Variants in DNAH9 observed in about 807,000 individuals in gnomAD.
DNAH9 encodes the protein DNAH9 variant protein.
In DNAH9, 345 loss-of-function variants were observed where a neutral mutation model predicts 471.6. The observed-to-expected ratio is 0.73, with a 90% CI of 0.67 to 0.80. The LOEUF (loss-of-function observed/expected upper bound fraction) is 0.80, where lower values mean the gene tolerates loss of function less well. Ranked by LOEUF, DNAH9 falls within the 30% of genes least tolerant of loss-of-function variation. The pLI, the probability that DNAH9 is intolerant of heterozygous loss-of-function variation, is 0.00. For synonymous variants in DNAH9, 2,093 were observed against 2,123.6 expected (o/e 0.99, Z 0.40); for missense variants, 5,407 against 5,609.2 (o/e 0.96, Z 1.15).
At chr17:11,631,923 C>T (rs1029830155) in intron 7 of DNAH9, among the ~76,000 whole-genome samples, 10 of 151,258 alleles carry the variant, frequency 6.6e-5, no homozygotes, top group African/African-American at 1.5e-4. Flanking sequence ...AAAATTGCTA[C>T]GTGCTAAGAG....
At chr17:11,667,226 C>T (rs1314812532) in intron 15 of DNAH9, among the ~76,000 whole-genome samples, 2 of 152,060 alleles carry the variant, frequency 1.3e-5, no homozygotes, top group Non-Finnish European at 2.9e-5. Context: ...TATATTAATG[C>T]AGAATATGTC....
intron 26 of DNAH9, among the ~76,000 whole-genome samples, chr17:11,715,848 C>T (rs1030640296): frequency 3.9e-5 from 6 of 152,078 alleles, no homozygotes; most frequent in Non-Finnish European, 7.3e-5. Context: ...TTTTGTCACT[C>T]CAGAGTCAGT....
chr17:11,757,815 TC>T, intron 35 of DNAH9, 123 bp downstream of exon 35: 2 of 1,052,924 alleles, frequency 1.9e-6, no homozygotes, highest in Non-Finnish European at 2.7e-6. Context: ...AGCGATCTCC[TC>T]CAGGCATGGC....
At chr17:11,782,638 T>C (rs1968712899) in intron 39 of DNAH9, among the ~76,000 whole-genome samples, 2 of 152,230 alleles carry the variant, frequency 1.3e-5, no homozygotes, top group Non-Finnish European at 2.9e-5. Context: ...GGCTTATGCC[T>C]GTAATCCCAG....
intron 61 of DNAH9, 88 bp from the exon 62 acceptor site, chr17:11,923,726 T>C (rs1179474739): frequency 8.5e-6 from 13 of 1,525,014 alleles, no homozygotes; most frequent in African/African-American, 1.4e-5. Context: ...GTTTGAGGGG[T>C]GATCTGAGCG....
chr17:11,927,648 G>A (rs569717543), intron 62 of DNAH9, among the ~76,000 whole-genome samples: 16 of 152,276 alleles, frequency 1.1e-4, no homozygotes, highest in Non-Finnish European at 2.1e-4. Flanking sequence ...TGCTGCCTGA[G>A]GACCCTGACC....
chr17:11,657,882 T>A (rs2073682894), intron 14 of DNAH9, among the ~76,000 whole-genome samples: 1 of 152,040 alleles, frequency 6.6e-6, no homozygotes, highest in South Asian at 2.1e-4. Flanking sequence ...AAAATACCAA[T>A]GCCACTTGTT....
At chr17:11,897,510 A>G (rs1973257862) in intron 59 of DNAH9, among the ~76,000 whole-genome samples, 1 of 152,240 alleles carries the variant, frequency 6.6e-6, no homozygotes, top group African/African-American at 2.4e-5. Context: ...AGTATGGTCC[A>G]GAGCTAGACA....
At position 11,900,100 on chromosome 17, in the gene DNAH9, G is replaced by GAAA. The variant is rs10627147; in HGVS notation, c.11407-2611_11407-2609dup. Among the ~76,000 whole-genome samples the GAAA allele has an allele frequency of 1.2e-3, 177 of 148,554 alleles. 1 individual carries two copies. Among genetic ancestry groups the GAAA allele is most frequent in the South Asian group, 5.3e-3 (25 of 4,692 alleles). ...CATGACTTGGCCTCATTTTCCAAATGAAAAAAAAAACTCACAAGGGTTTTA... is the reference window on the plus strand; with the variant it reads ...CATGACTTGGCCTCATTTTCCAAATGAAAAAAAAAAAAACTCACAAGGGTTTTA... On this transcript the variant is annotated intron_variant, in intron 59 of 68. Transcript: ENST00000262442.
chr17:11,969,141 A>G (rs1161785378), intron 68 of DNAH9, among the ~76,000 whole-genome samples, 159 bp from the exon 69 acceptor site: 1 of 152,232 alleles, frequency 6.6e-6, no homozygotes, highest in Admixed American at 6.5e-5. Context: ...TATCAGATGC[A>G]TTCCATCAAA....
intron 6 of DNAH9, among the ~76,000 whole-genome samples, chr17:11,629,075 T>C (rs1164437647): frequency 6.7e-6 from 1 of 148,862 alleles, no homozygotes; most frequent in Non-Finnish European, 1.5e-5. Context: ...ATCATGATGA[T>C]GATTTTAACT....
At chr17:11,923,763 A>G (rs745612739) in intron 61 of DNAH9, 51 bp from the exon 62 acceptor site, 1 of 1,603,288 alleles carries the variant, frequency 6.2e-7, no homozygotes, top group Non-Finnish European at 8.5e-7. Context: ...AACATCAAAC[A>G]TCCATCATTA....
rs74253521 is a variant in DNAH9, at chr17:11,820,810, A to T, written c.8708-1110A>T. Among the ~76,000 whole-genome samples, 8 of 152,224 alleles carry T rather than the reference A, an allele frequency of 5.3e-5. No individual in the cohort carries two copies. The East Asian group carries it at 1.5e-3, about 29-fold the overall frequency. On this transcript the variant is annotated intron_variant, in intron 45 of 68. Coordinates refer to ENST00000262442, the MANE Select transcript of DNAH9 (RefSeq NM_001372.4). ...AATATTTTTATTTTTATGCAGTCAA[A>T]TTTGTCAATTTTATGCATTCATGAA...
intron 48 of DNAH9, among the ~76,000 whole-genome samples, chr17:11,832,159 C>G (rs1424259491): frequency 6.6e-6 from 1 of 152,122 alleles, no homozygotes; most frequent in Non-Finnish European, 1.5e-5. Flanking sequence ...TAAAATGGAC[C>G]TGAGTTATGC....
At position 11,784,424 on chromosome 17, in the gene DNAH9, C is replaced by G. The variant is rs769309620; in HGVS notation, c.7946C>G (p.Pro2649Arg). Residue 2649 changes from proline to arginine, a missense_variant, in exon 41 of 69, where the codon CCC becomes CGC. Physicochemically the swap from Pro to Arg is moderately radical, Grantham distance 103 (BLOSUM62 -2). This residue lies in a region of DNAH9 where 4,636 missense variants were observed against 4,900.3 expected (regional missense o/e 0.95). Transcript: ENST00000262442. ...CCGGCGTCCCTGCAGAAATCCATCC[C>G]CCCACTGATCGATCTGGCCCTCGCC... Reference protein sequence around the residue: ...NFPASLQKSIPPLIDLALAFH... With the variant: ...NFPASLQKSIRPLIDLALAFH... The G allele has an allele frequency of 1.7e-5, 27 of 1,614,076 alleles. No homozygotes were observed. The East Asian group carries it at 4.0e-4, about 24-fold the overall frequency.
At chr17:11,599,080 AG>A (rs1450490558) in intron 1 of DNAH9, among the ~76,000 whole-genome samples, 165 bp downstream of exon 1, 1 of 151,656 alleles carries the variant, frequency 6.6e-6, no homozygotes, top group African/African-American at 2.4e-5. Context: ...GAGCACAACC[AG>A]GAGGGAAGTT....
chr17:11,715,448 A>G (rs138812259), intron 26 of DNAH9, among the ~76,000 whole-genome samples: 60 of 152,306 alleles, frequency 3.9e-4, no homozygotes, highest in African/African-American at 1.3e-3. Context: ...GCCTCCTAGA[A>G]TAGTAAACTG....
chr17:11,655,004 T>A (rs2073608544), intron 14 of DNAH9, among the ~76,000 whole-genome samples: 2 of 152,100 alleles, frequency 1.3e-5, no homozygotes, highest in Admixed American at 6.5e-5. Flanking sequence ...ATTTAAATAT[T>A]TTTAGACAAA....
At chr17:11,606,473 A>G (rs1366406752) in intron 1 of DNAH9, among the ~76,000 whole-genome samples, 17 of 85,590 alleles carry the variant, frequency 2.0e-4, no homozygotes, top group Non-Finnish European at 3.9e-5. Context: ...TTTTTGAGAC[A>G]GAGTCTTGCT....
Sources: allele counts gnomAD v4.1 joint callset (sites outside exome capture counted in the v4.1 genomes callset), GRCh38; gene constraint gnomAD v4.1.1; regional missense constraint gnomAD v4.1.1; transcripts MANE v1.5; gene names NCBI Gene and HGNC (gene_info 2026-07-23, HGNC 2026-07-21).